IL22RA1: variants seen among roughly 807,000 people sequenced by gnomAD.
IL22RA1 encodes the protein interleukin-22 receptor subunit alpha-1.
In IL22RA1, 25 loss-of-function variants were observed where a neutral mutation model predicts 32.8. The ratio of observed to expected loss-of-function variants is 0.76; its 90% confidence interval spans 0.55 to 1.06. The LOEUF (loss-of-function observed/expected upper bound fraction) is 1.06, where lower values mean the gene tolerates loss of function less well. Ranked by LOEUF, IL22RA1 falls within the 50% of genes least tolerant of loss-of-function variation. The pLI is 0.00. For missense variants in IL22RA1, 709 were observed against 727.4 expected, an observed-to-expected ratio of 0.97 and a Z score of 0.29; for synonymous variants, 305 against 305.0, an observed-to-expected ratio of 1.00 and a Z score of 0.00.
intron 4 of IL22RA1, among the ~76,000 whole-genome samples, chr1:24,130,639 G>A (rs980476350): frequency 2.6e-5 from 4 of 152,104 alleles, no homozygotes; most frequent in Admixed American, 2.6e-4. Flanking sequence ...AAGAATATGC[G>A]ACCCATATTC....
chr1:24,126,018 T>C (rs1481283370), intron 5 of IL22RA1, among the ~76,000 whole-genome samples: 1 of 152,140 alleles, frequency 6.6e-6, no homozygotes, highest in Non-Finnish European at 1.5e-5. Context: ...AGAAGGGTGT[T>C]GTGGGTAAGG....
At chr1:24,140,835 G>A (rs1428574071) in intron 1 of IL22RA1, among the ~76,000 whole-genome samples, 1 of 152,262 alleles carries the variant, frequency 6.6e-6, no homozygotes, top group African/African-American at 2.4e-5. Flanking sequence ...AACCCCAGCT[G>A]GGTCAAGGCC....
In IL22RA1 at chr1:24,137,135, C is replaced by T. The variant is rs201480321; in HGVS notation, c.351G>A (p.Gln117=). 43 of 1,612,346 alleles carry T rather than the reference C, an allele frequency of 2.7e-5. No homozygotes were observed. Among genetic ancestry groups the T allele is most frequent in the Admixed American group, 1.7e-5 (1 of 59,960 alleles). ...CCCACAGGGGCTCCAACTCACTGTG[C>T]TGCAGAGAGCTGAACCTGTCAGTCA... ...TKMTDRFSSL[Q]HTTLKPPDVT... is the part of the protein sequence containing the mutation. Residue 117 remains glutamine, a synonymous_variant, in exon 3 of 7, where the codon CAG becomes CAA. Transcript: ENST00000270800.
At chr1:24,122,639 A>T (rs1644133092) in intron 6 of IL22RA1, among the ~76,000 whole-genome samples, 1 of 152,060 alleles carries the variant, frequency 6.6e-6, no homozygotes, top group Non-Finnish European at 1.5e-5. Context: ...TACTAAAAAT[A>T]CAAAAATTAG....
intron 5 of IL22RA1, among the ~76,000 whole-genome samples, chr1:24,127,423 T>C (rs1458098501): frequency 1.3e-5 from 2 of 152,118 alleles, no homozygotes. Context: ...GTGATCCTCT[T>C]GCCTCAGCCT....
intron 5 of IL22RA1, among the ~76,000 whole-genome samples, chr1:24,126,249 C>T (rs1445432361): frequency 6.6e-6 from 1 of 152,282 alleles, no homozygotes; most frequent in Non-Finnish European, 1.5e-5. Context: ...ATGCCCCATG[C>T]AAGTGGCCAG....
rs1332219956 is a variant in IL22RA1, at chr1:24,138,715, C to T, written c.44-1G>A. The T allele has an allele frequency of 1.2e-6, 2 of 1,613,666 alleles. No individual in the cohort carries two copies. The highest frequency in any genetic ancestry group is 1.7e-6 in the Non-Finnish European group (2 of 1,179,880). On this transcript the variant is annotated splice_acceptor_variant, in intron 1 of 6. Transcript: ENST00000270800. LOFTEE classifies it high-confidence loss of function. ...TCCGAGGGGTCCTCAGGGGCGTGAG[C>T]TGCAGGAGGGTGGGAGGAGGGTGAG...
In IL22RA1 at chr1:24,134,367, A is replaced by G. The variant is rs1197022073; in HGVS notation, c.375T>C (p.Asp125=). 9.8e-6 allele frequency: 15 copies of G among 1,536,520 alleles called. No individual in the cohort carries two copies. The highest frequency in any genetic ancestry group is 1.4e-5 in the African/African-American group (1 of 71,236). The change falls in exon 4 of 7, where the codon GAT becomes GAC. Residue 125 remains aspartate (D), a synonymous_variant. Coordinates refer to ENST00000270800, the MANE Select transcript of IL22RA1 (RefSeq NM_021258.4). The part of the protein sequence containing the change: ...SLQHTTLKPP[D]VTCISKVRSI... ...ATCTCACTTTGGAGATACAGGTCAC[A>G]TCAGGTGGCTTGAGGGTAGCTGGGG...
intron 5 of IL22RA1, among the ~76,000 whole-genome samples, chr1:24,125,769 A>T (rs909615277): frequency 6.6e-6 from 1 of 152,208 alleles, no homozygotes; most frequent in Admixed American, 6.5e-5. Flanking sequence ...AAGATTAAAT[A>T]ATATATGTTA....
intron 2 of IL22RA1, among the ~76,000 whole-genome samples, chr1:24,137,616 G>A (rs927490495): frequency 1.3e-5 from 2 of 150,214 alleles, no homozygotes; most frequent in African/African-American, 4.9e-5. Context: ...TCTGGGGTTC[G>A]AGTGATTCTC....
chr1:24,141,562 C>T (rs1644281666), intron 1 of IL22RA1, among the ~76,000 whole-genome samples: 1 of 152,094 alleles, frequency 6.6e-6, no homozygotes, highest in South Asian at 2.1e-4. Flanking sequence ...GAGGTTGGCA[C>T]CACTTTTCAG....
At chr1:24,136,921 T>G (rs1569579105) in intron 3 of IL22RA1, among the ~76,000 whole-genome samples, 3 of 135,126 alleles carry the variant, frequency 2.2e-5, no homozygotes, top group African/African-American at 5.8e-5. Flanking sequence ...GGGGTGGAGG[T>G]GGAGAAAAGT....
chr1:24,127,592 T>C (rs1644174568), intron 5 of IL22RA1, among the ~76,000 whole-genome samples: 1 of 152,186 alleles, frequency 6.6e-6, no homozygotes, highest in African/African-American at 2.4e-5. Context: ...GGTTTACAGG[T>C]GTGAGCCACT....
intron 1 of IL22RA1, among the ~76,000 whole-genome samples, chr1:24,141,403 A>G (rs543929537): frequency 1.5e-4 from 23 of 152,228 alleles, no homozygotes; most frequent in African/African-American, 5.5e-4. Flanking sequence ...GCCAGGCTCC[A>G]TCAAGGCTTG....
At chr1:24,127,283 C>T (rs1241540291) in intron 5 of IL22RA1, among the ~76,000 whole-genome samples, 1 of 151,938 alleles carries the variant, frequency 6.6e-6, no homozygotes, top group East Asian at 1.9e-4. Context: ...CATTCCATCC[C>T]TCAGCACCTG....
chr1:24,128,934 G>A (rs1644183700), intron 4 of IL22RA1, among the ~76,000 whole-genome samples: 1 of 152,134 alleles, frequency 6.6e-6, no homozygotes, highest in African/African-American at 2.4e-5. Flanking sequence ...CTGGCTTCCA[G>A]TCCAGACTCA....
chr1:24,137,455 C>T, intron 2 of IL22RA1, 146 bp from the exon 3 acceptor site: 1 of 641,556 alleles, frequency 1.6e-6, no homozygotes, highest in Non-Finnish European at 2.7e-6. Flanking sequence ...TCATTTTGTT[C>T]TCACAATGAT....
In IL22RA1 at chr1:24,121,677, G is replaced by A. The variant is rs1462728587; in HGVS notation, c.853C>T (p.Pro285Ser). The change falls in exon 7 of 7, where the codon CCT becomes TCT. Residue 285 changes from proline (P) to serine (S), a missense_variant. Physicochemically the swap from Pro to Ser is moderately conservative, Grantham distance 74. Coordinates refer to ENST00000270800, the MANE Select transcript of IL22RA1 (RefSeq NM_021258.4). ...LRFIQEHVLI[P>S]VFDLSGPSSL... ...CTGGGGCCGCTGAGGTCAAAGACAG[G>A]GATCAGGACGTGCTCCTGGATGAAG... 1.9e-6 allele frequency: 3 copies of A among 1,599,344 alleles called. No individual in the cohort carries two copies. In the East Asian group the frequency reaches 6.7e-5, roughly 36 times the overall value.
At chr1:24,137,513 TTTC>T (rs1170876786) in intron 2 of IL22RA1, among the ~76,000 whole-genome samples, 27 of 119,136 alleles carry the variant, frequency 2.3e-4, no homozygotes, top group Non-Finnish European at 4.8e-4. Flanking sequence ...TATTCCTTCC[TTTC>T]TTTTTTTTTT....
Sources: gnomAD v4.1 joint callset for allele counts (sites outside exome capture counted in the v4.1 genomes callset) on GRCh38, gnomAD v4.1.1 for gene constraint, MANE v1.5 for transcripts, NCBI Gene and HGNC (gene_info 2026-07-23, HGNC 2026-07-21) for gene names.